ZNF44: variants seen among roughly 807,000 people sequenced by gnomAD.
The protein encoded by ZNF44 is zinc finger protein 44, also known as gonadotropin inducible transcription repressor-2.
In ZNF44, 9 loss-of-function variants were observed where a neutral mutation model predicts 11.7. The ratio of observed to expected loss-of-function variants is 0.77; its 90% confidence interval spans 0.46 to 1.35. The LOEUF (loss-of-function observed/expected upper bound fraction) is 1.35. Among genes scored for constraint, ZNF44 ranks in the 40% most tolerant of loss-of-function variants. The probability of loss-of-function intolerance (pLI) is 0.00; values close to 1 mark genes in which losing one functional copy is unlikely to be tolerated. For missense variants in ZNF44, 696 were observed against 743.1 expected, an observed-to-expected ratio of 0.94 and a Z score of 0.74; for synonymous variants, 224 against 242.7, an observed-to-expected ratio of 0.92 and a Z score of 0.72.
chr19:12,273,176 G>T lies in ZNF44; in HGVS notation c.1079C>A (p.Thr360Asn). ...CTTACATTCATAGGGTTTCTCTAGAGTGTGAGTTCCTTCATGAATTCGTGC... is the reference window on the plus strand; with the variant it reads ...CTTACATTCATAGGGTTTCTCTAGATTGTGAGTTCCTTCATGAATTCGTGC... ...GSARIHEGTH[T>N]LEKPYECKQC... is the part of the protein sequence containing the mutation. Residue 360 changes from threonine to asparagine, a missense_variant, in exon 4 of 4, where the codon ACT (threonine) becomes AAT (asparagine). Transcript: ENST00000355684. 1 of 1,613,748 alleles carries T rather than the reference G, an allele frequency of 6.2e-7. No homozygotes were observed. Among genetic ancestry groups the T allele is most frequent in the Non-Finnish European group, 8.5e-7 (1 of 1,179,870 alleles).
upstream of ZNF44, among the ~76,000 whole-genome samples, chr19:12,239,568 AT>A (rs1158604076): frequency 0.025 from 1,907 of 75,840 alleles, 17 homozygotes; most frequent in Middle Eastern, 0.036. Flanking sequence ...CCCAAGTTGC[AT>A]TTTTTTTTTT....
At chr19:12,255,768 G>A (rs2438572) in intron 5 of ZNF44, among the ~76,000 whole-genome samples, 9,015 of 152,126 alleles carry the variant, frequency 0.059, 906 homozygotes, top group African/African-American at 0.21. Context: ...GGCCGGGCAC[G>A]GTGGCTCATT....
At position 12,255,132 on chromosome 19, in the gene ZNF44, A is replaced by ACC. The variant is rs59134952; in HGVS notation, c.1913-4766_1913-4765dup. ...CACACACACACACACACACACACAC[A>ACC]CCCCTTTGTGGGACACAGCAAAAGT... On this transcript the variant is annotated intron_variant and NMD_transcript_variant, in intron 5 of 7. Transcript: ENST00000393337. Among the ~76,000 whole-genome samples, 1,172 of 145,190 alleles carry ACC rather than the reference A, an allele frequency of 8.1e-3. 14 individuals carry two copies. The highest frequency in any genetic ancestry group is 0.036 in the East Asian group (179 of 4,934).
intron 3 of ZNF44, among the ~76,000 whole-genome samples, chr19:12,274,574 T>A (rs1200540835): frequency 2.9e-5 from 4 of 138,930 alleles, no homozygotes; most frequent in Non-Finnish European, 6.3e-5. Flanking sequence ...GCGCCTGGCC[T>A]TTTTTTTTTT....
downstream of ZNF44, among the ~76,000 whole-genome samples, chr19:12,243,663 C>G (rs890103355): frequency 6.6e-6 from 1 of 152,138 alleles, no homozygotes; most frequent in South Asian, 2.1e-4. Context: ...CTGATCACTG[C>G]CTTTGGTCAT....
At chr19:12,248,065 G>T in exon 8 of ZNF44, 1 of 1,329,824 alleles carries the variant, frequency 7.5e-7, no homozygotes, top group Non-Finnish European at 9.9e-7. Flanking sequence ...TCATGTGCTT[G>T]AAAACCTACA....
chr19:12,226,277 C>CT (rs1317734563), exon 4 of ZNF44: 1 of 152,208 alleles, frequency 6.6e-6, no homozygotes, highest in Non-Finnish European at 1.5e-5. Flanking sequence ...ATTTGTACCA[C>CT]TGAATACCTA....
At chr19:12,241,793 T>G (rs539627827), upstream of ZNF44, among the ~76,000 whole-genome samples, 16 of 152,286 alleles carry the variant, frequency 1.1e-4, no homozygotes, top group Non-Finnish European at 2.2e-4. Flanking sequence ...ACAACCCAAG[T>G]GCTCAACATA....
intron 1 of ZNF44, among the ~76,000 whole-genome samples, chr19:12,285,559 A>G (rs1411814241): frequency 6.6e-6 from 1 of 152,206 alleles, no homozygotes; most frequent in Non-Finnish European, 1.5e-5. Flanking sequence ...CGGCCTGGTC[A>G]GACAGTTAAT....
chr19:12,243,723 T>G (rs185195113), downstream of ZNF44, among the ~76,000 whole-genome samples: 9 of 147,296 alleles, frequency 6.1e-5, no homozygotes, highest in African/African-American at 2.1e-4. Context: ...GTAGTTTTTG[T>G]TTTTTTTTGC....
At chr19:12,238,354 C>T (rs367938034), upstream of ZNF44, among the ~76,000 whole-genome samples, 13 of 151,828 alleles carry the variant, frequency 8.6e-5, no homozygotes, top group South Asian at 1.5e-3. Context: ...AGGCCAGGCG[C>T]GGTAGCTCAC....
intron 5 of ZNF44, among the ~76,000 whole-genome samples, chr19:12,254,715 A>G: frequency 6.6e-6 from 1 of 151,958 alleles, no homozygotes; most frequent in East Asian, 1.9e-4. Context: ...AGCCTGGGCG[A>G]CAGAGCGAGA....
chr19:12,274,192 G>A, intron 3 of ZNF44, 129 bp from the exon 4 acceptor site: 1 of 736,762 alleles, frequency 1.4e-6, no homozygotes, highest in Non-Finnish European at 2.2e-6. Context: ...AATGTGAATG[G>A]ACTGAATGTT....
intron 2 of ZNF44, 83 bp from the exon 3 acceptor site, chr19:12,275,116 A>G: frequency 1.0e-6 from 1 of 986,054 alleles, no homozygotes; most frequent in African/African-American, 1.7e-5. Flanking sequence ...CACTACAATC[A>G]TGTATGATTC....
At chr19:12,252,784 G>A (rs537291607) in intron 5 of ZNF44, among the ~76,000 whole-genome samples, 18 of 149,810 alleles carry the variant, frequency 1.2e-4, no homozygotes, top group Non-Finnish European at 2.4e-4. Flanking sequence ...ATGAAATCAG[G>A]TAAGGTAAAG....
chr19:12,247,944 T>C, exon 8 of ZNF44: 2 of 1,350,752 alleles, frequency 1.5e-6, no homozygotes, highest in Non-Finnish European at 2.0e-6. Context: ...CTTGCATTTG[T>C]AGGGTTTCTC....
At chr19:12,235,447 C>T (rs73503877) in intron 1 of ZNF44, among the ~76,000 whole-genome samples, 9,283 of 152,204 alleles carry the variant, frequency 0.061, 966 homozygotes, top group African/African-American at 0.21. Context: ...AGAGTAAACA[C>T]TTCCTAATAC....
At chr19:12,240,444 C>CAAAA (rs56300338), upstream of ZNF44, among the ~76,000 whole-genome samples, 90 of 102,354 alleles carry the variant, frequency 8.8e-4, no homozygotes, top group African/African-American at 3.0e-3. Context: ...GATTCTATCT[C>CAAAA]AAAAAAAAAA....
In ZNF44 at chr19:12,258,110, G is replaced by A. The variant is rs1599507602; in HGVS notation, c.1913-7742C>T. On this transcript the variant is annotated intron_variant and NMD_transcript_variant, in intron 5 of 7. Coordinates refer to the ZNF44 transcript ENST00000393337. ...AGGCTGAGGTAGGAGGACTGCTTGA[G>A]CCCAGGAGTTCAAGACCAGCCTGGA... Among the ~76,000 whole-genome samples, 5 of 138,982 alleles carry A rather than the reference G, an allele frequency of 3.6e-5. 1 individual carries two copies. In the Admixed American group the frequency reaches 4.2e-4, roughly 12 times the overall value. 91.2% of individuals were successfully genotyped at this position (138,982 alleles called of 152,430 possible).
Sources: gnomAD v4.1 joint callset for allele counts (sites outside exome capture counted in the v4.1 genomes callset) on GRCh38, gnomAD v4.1.1 for gene constraint, MANE v1.5 for transcripts, NCBI Gene and HGNC (gene_info 2026-07-23, HGNC 2026-07-21) for gene names.